Variants in ADD1 observed in about 807,000 individuals in gnomAD.
ADD1 encodes alpha-adducin.
ADD1 carries 24 observed loss-of-function variants against 80.5 expected under a neutral mutation model. That is an observed-to-expected ratio of 0.30 (90% CI 0.22 to 0.42). The LOEUF (loss-of-function observed/expected upper bound fraction) is 0.42, where lower values mean the gene tolerates loss of function less well. ADD1 is among the 10% of genes least tolerant of loss of function. The pLI is 1.00. For synonymous variants in ADD1, 373 were observed against 393.8 expected (o/e 0.95, Z 0.63); for missense variants, 948 against 1,019.0 (o/e 0.93, Z 0.95).
At chr4:2,859,645 C>T (rs1728562453) in intron 1 of ADD1, among the ~76,000 whole-genome samples, 2 of 152,220 alleles carry the variant, frequency 1.3e-5, no homozygotes, top group South Asian at 4.1e-4. Context: ...TCTACCAAAA[C>T]AGAGAAATTT....
Position 2,876,021 on chromosome 4 carries a change from T to C in ADD1, c.106T>C (p.Leu36=). ...AGTAGATGAGAACAACCCAGAGTAC[T>C]TGAGGGAGAGGAACATGGCACCAGA... The part of the protein sequence containing the change: ...DRVDENNPEY[L]RERNMAPDLR... The change falls in exon 2 of 16, where the codon TTG becomes CTG. Residue 36 remains leucine, a synonymous_variant. Coordinates refer to ENST00000683351, the MANE Select transcript of ADD1 (RefSeq NM_001354761.2). The C allele has an allele frequency of 2.5e-6, 4 of 1,614,026 alleles. No homozygotes were observed. Among genetic ancestry groups the C allele is most frequent in the South Asian group, 2.2e-5 (2 of 91,060 alleles).
intron 1 of ADD1, among the ~76,000 whole-genome samples, chr4:2,867,567 A>G (rs1560158898): frequency 6.6e-6 from 1 of 152,190 alleles, no homozygotes; most frequent in African/African-American, 2.4e-5. Flanking sequence ...ATAACATACC[A>G]TAGGATTAAT....
Position 2,869,576 on chromosome 4 carries a change from C to T in ADD1, c.-20-6320C>T, listed in dbSNP as rs180691456. Among the ~76,000 whole-genome samples the T allele has an allele frequency of 1.1e-3, 166 of 152,232 alleles. 1 individual carries two copies. Among genetic ancestry groups the T allele is most frequent in the Admixed American group, 3.6e-3 (55 of 15,292 alleles). ...GTGAATTTTGGGGAGTGGACACAGTCCAACTCATAATATCCTCTCTCAGTT... is the reference window on the plus strand; with the variant it reads ...GTGAATTTTGGGGAGTGGACACAGTTCAACTCATAATATCCTCTCTCAGTT... On this transcript the variant is annotated intron_variant, in intron 1 of 15. Coordinates refer to ENST00000683351, the MANE Select transcript of ADD1 (RefSeq NM_001354761.2).
At chr4:2,853,663 G>A (rs1727651177) in intron 1 of ADD1, 1 of 151,868 alleles carries the variant, frequency 6.6e-6, no homozygotes, top group Admixed American at 6.6e-5. Context: ...GAGTGCAATG[G>A]TGCAATCACG....
chr4:2,917,511 G>T lies in ADD1; in HGVS notation c.1948+2471G>T, dbSNP rs925581776. Reference sequence around the variant, plus strand: ...TTCATTCTGATGATAGTTTCTTCTGGTGTGCAGAAGCTCTTTAGTTTAATT... The same window carrying T: ...TTCATTCTGATGATAGTTTCTTCTGTTGTGCAGAAGCTCTTTAGTTTAATT... On this transcript the variant is annotated intron_variant, in intron 14 of 15. Transcript: ENST00000683351. Among the ~76,000 whole-genome samples, 2 of 152,036 alleles carry T rather than the reference G, an allele frequency of 1.3e-5. 1 individual carries two copies. The highest frequency in any genetic ancestry group is 4.1e-4 in the South Asian group (2 of 4,820).
intron 1 of ADD1, among the ~76,000 whole-genome samples, chr4:2,845,888 C>T (rs1560129783): frequency 3.3e-5 from 5 of 152,098 alleles, no homozygotes; most frequent in Non-Finnish European, 2.9e-5. Flanking sequence ...ACTGCCCTTC[C>T]TTTCTTTCCT....
chr4:2,904,782 C>T lies in ADD1; in HGVS notation c.1180C>T (p.Pro394Ser), dbSNP rs780044563. 3 of 1,614,102 alleles carry T rather than the reference C, an allele frequency of 1.9e-6. No individual in the cohort carries two copies. The highest frequency in any genetic ancestry group is 2.5e-6 in the Non-Finnish European group (3 of 1,179,966). ...LDNLGYRTGY[P>S]YRYPALREKS... ...ACCCTAGGGCTACAGAACTGGCTACCCTTATCGATACCCTGCTCTGAGAGA... is the reference window on the plus strand; with the variant it reads ...ACCCTAGGGCTACAGAACTGGCTACTCTTATCGATACCCTGCTCTGAGAGA... Residue 394 changes from proline (P) to serine (S), a missense_variant, in exon 10 of 16, where the codon CCT becomes TCT. Pro to Ser is a moderately conservative substitution (Grantham distance 74, BLOSUM62 -1). Coordinates refer to ENST00000683351, the MANE Select transcript of ADD1 (RefSeq NM_001354761.2).
Position 2,911,448 on chromosome 4 carries a change from A to ATATATATATATATATATATTTTTTTTTTT in ADD1, c.1791+2018_1791+2019insATATATATATATATATATTTTTTTTTTTT, listed in dbSNP as rs553567632. Among the ~76,000 whole-genome samples, 7 of 130,498 alleles carry ATATATATATATATATATATTTTTTTTTTT rather than the reference A, an allele frequency of 5.4e-5. 1 individual carries two copies. Among genetic ancestry groups the ATATATATATATATATATATTTTTTTTTTT allele is most frequent in the African/African-American group, 2.1e-4 (7 of 33,738 alleles). The allele number at this position is 130,498 out of a possible 152,430, so 85.6% of individuals were successfully genotyped here. A position where few individuals can be genotyped will look rare whatever the true frequency, so the allele number is the denominator to read the frequency against. On this transcript the variant is annotated intron_variant, in intron 13 of 15. Transcript: ENST00000683351. ...CTGAAATACATATATATATATATAT[A>ATATATATATATATATATATTTTTTTTTTT]TTTTTTTTTTTTTTTTGAGACAGGG...
At chr4:2,918,999 C>G (rs1739552331) in intron 14 of ADD1, among the ~76,000 whole-genome samples, 1 of 152,022 alleles carries the variant, frequency 6.6e-6, no homozygotes, top group Admixed American at 6.6e-5. Context: ...CGCCACCACA[C>G]CCGGTTAATT....
At chr4:2,884,754 C>T in intron 4 of ADD1, 88 bp downstream of exon 4, 1 of 1,415,040 alleles carries the variant, frequency 7.1e-7, no homozygotes, top group Non-Finnish European at 9.5e-7. Context: ...AAGAGGGAAG[C>T]AGGCTGAGCT....
chr4:2,880,745 G>T (rs1300154660), intron 2 of ADD1, among the ~76,000 whole-genome samples: 1 of 151,972 alleles, frequency 6.6e-6, no homozygotes, highest in East Asian at 1.9e-4. Context: ...AAAGTGCTGG[G>T]ATTACAGGCG....
At chr4:2,887,902 T>G (rs1434113434) in intron 4 of ADD1, among the ~76,000 whole-genome samples, 2 of 152,170 alleles carry the variant, frequency 1.3e-5, no homozygotes, top group Non-Finnish European at 2.9e-5. Context: ...ATGTTTGTAA[T>G]TTTGCACTTT....
intron 4 of ADD1, among the ~76,000 whole-genome samples, 180 bp downstream of exon 4, chr4:2,884,846 T>C (rs1732983319): frequency 6.6e-6 from 1 of 152,226 alleles, no homozygotes; most frequent in African/African-American, 2.4e-5. Flanking sequence ...GGTTAAAAGT[T>C]ACAGGAACAG....
intron 4 of ADD1, among the ~76,000 whole-genome samples, chr4:2,891,282 G>A (rs527974227): frequency 9.1e-4 from 139 of 152,080 alleles, no homozygotes; most frequent in Non-Finnish European, 1.6e-3. Flanking sequence ...GTGAAACCCC[G>A]TCTCTACTAA....
chr4:2,926,766 GTTTA>G lies in ADD1; in HGVS notation c.2047+659_2047+662del, dbSNP rs1369779403. 7 of 1,429,762 alleles carry G rather than the reference GTTTA, an allele frequency of 4.9e-6. No individual in the cohort carries two copies. Among genetic ancestry groups the G allele is most frequent in the Admixed American group, 2.1e-5 (1 of 48,518 alleles). The allele number at this position is 1,429,762 out of a possible 1,614,324, so 88.6% of individuals were successfully genotyped here. ...TGTTGTTTATTAAGTTTTGTTTTCT[GTTTA>G]TTTAAAATAAAAACAGAAGCCCCCC... On this transcript the variant is annotated intron_variant, in intron 15 of 15. Coordinates refer to ENST00000683351, the MANE Select transcript of ADD1 (RefSeq NM_001354761.2). The surrounding 1 kb of genome is among the most constrained non-coding windows in gnomAD (Gnocchi z 5.0).
At chr4:2,857,546 TG>T (rs1728263486) in intron 1 of ADD1, among the ~76,000 whole-genome samples, 1 of 152,164 alleles carries the variant, frequency 6.6e-6, no homozygotes, top group Admixed American at 6.5e-5. Flanking sequence ...AGGTGGAGGT[TG>T]CAGTGAGCTG....
intron 13 of ADD1, among the ~76,000 whole-genome samples, chr4:2,912,769 C>A (rs1738296107): frequency 6.6e-6 from 1 of 152,168 alleles, no homozygotes; most frequent in Non-Finnish European, 1.5e-5. Context: ...TCAAGCAATC[C>A]TTCTGCCTTG....
intron 1 of ADD1, among the ~76,000 whole-genome samples, chr4:2,873,446 T>G (rs1218473244): frequency 6.6e-6 from 1 of 152,244 alleles, no homozygotes; most frequent in Non-Finnish European, 1.5e-5. Flanking sequence ...TCATTTTGAT[T>G]TACATTTATA....
Position 2,926,425 on chromosome 4 carries a change from G to A in ADD1, c.2047+313G>A, listed in dbSNP as rs1409471174. The A allele has an allele frequency of 1.4e-6, 1 of 693,614 alleles. No homozygotes were observed. Among genetic ancestry groups the A allele is most frequent in the African/African-American group, 1.8e-5 (1 of 57,112 alleles). The allele number at this position is 693,614 out of a possible 1,614,324, so 43.0% of individuals were successfully genotyped here. A position where few individuals can be genotyped will look rare whatever the true frequency, so the allele number is the denominator to read the frequency against. ...TGTTGTCATGCAGATGCCACCTTCG[G>A]AGGTGCCCTCCGCTGTGTGAGCCAC... On this transcript the variant is annotated intron_variant, in intron 15 of 15. Coordinates refer to ENST00000683351, the MANE Select transcript of ADD1 (RefSeq NM_001354761.2). The surrounding 1 kb of genome is among the most constrained non-coding windows in gnomAD (Gnocchi z 5.0).
Sources: allele counts gnomAD v4.1 joint callset (sites outside exome capture counted in the v4.1 genomes callset), GRCh38; gene constraint gnomAD v4.1.1; non-coding constraint Gnocchi (gnomAD v3.1); transcripts MANE v1.5; gene names NCBI Gene and HGNC (gene_info 2026-07-23, HGNC 2026-07-21).